The following PACSIN1 variants were observed in gnomAD, a reference collection of about 807,000 sequenced individuals.
PACSIN1 encodes the protein protein kinase C and casein kinase substrate in neurons protein 1.
In PACSIN1, 15 loss-of-function variants were observed where a neutral mutation model predicts 59.5. That is an observed-to-expected ratio of 0.25 (90% confidence interval 0.17 to 0.39). The LOEUF is 0.39. PACSIN1 is among the 10% of genes least tolerant of loss of function. PACSIN1 has a pLI of 1.00. For synonymous variants in PACSIN1, 210 were observed against 220.6 expected (o/e 0.95, Z 0.42); for missense variants, 420 against 580.2 (o/e 0.72, Z 2.84).
At chr6:34,490,359 G>C (rs1766858458) in intron 1 of PACSIN1, among the ~76,000 whole-genome samples, 2 of 148,448 alleles carry the variant, frequency 1.3e-5, no homozygotes, top group Non-Finnish European at 3.0e-5. Context: ...CAGCCACCAT[G>C]CCCAGCTCTT....
intron 1 of PACSIN1, among the ~76,000 whole-genome samples, chr6:34,494,634 G>A (rs1766921699): frequency 6.6e-6 from 1 of 152,088 alleles, no homozygotes; most frequent in African/African-American, 2.4e-5. Context: ...TGTAGAGATG[G>A]TGTCTGGCTG....
intron 1 of PACSIN1, among the ~76,000 whole-genome samples, chr6:34,493,429 A>G (rs1160438903): frequency 2.0e-5 from 3 of 152,194 alleles, no homozygotes; most frequent in African/African-American, 4.8e-5. Flanking sequence ...TGTAAACCCA[A>G]CGGTGGAAGT....
chr6:34,512,682 C>A (rs957298440), intron 1 of PACSIN1, among the ~76,000 whole-genome samples: 1 of 152,190 alleles, frequency 6.6e-6, no homozygotes, highest in Non-Finnish European at 1.5e-5. Flanking sequence ...ATTGTGGGGT[C>A]CTCGTGCCCA....
At chr6:34,491,262 C>G (rs1465335137) in intron 1 of PACSIN1, among the ~76,000 whole-genome samples, 1 of 152,158 alleles carries the variant, frequency 6.6e-6, no homozygotes, top group African/African-American at 2.4e-5. Context: ...TTGTCTTTCT[C>G]TAGTGCACGC....
chr6:34,472,586 T>C (rs1766587171), intron 1 of PACSIN1, among the ~76,000 whole-genome samples: 1 of 152,328 alleles, frequency 6.6e-6, no homozygotes, highest in Middle Eastern at 3.4e-3. Flanking sequence ...AATGAGCACG[T>C]AAACTCCATT....
At chr6:34,466,457 G>A (rs1005303560) in intron 1 of PACSIN1, among the ~76,000 whole-genome samples, 187 bp downstream of exon 1, 8 of 152,200 alleles carry the variant, frequency 5.3e-5, no homozygotes, top group Non-Finnish European at 1.2e-4. Flanking sequence ...CGGAGTTCGC[G>A]GGCATCACCC....
chr6:34,484,312 C>T (rs1766761757), intron 1 of PACSIN1, among the ~76,000 whole-genome samples: 1 of 152,026 alleles, frequency 6.6e-6, no homozygotes, highest in South Asian at 2.1e-4. Context: ...AAGGAGGAAC[C>T]TTAAATGCAT....
intron 1 of PACSIN1, among the ~76,000 whole-genome samples, chr6:34,482,152 C>T (rs894549719): frequency 4.0e-5 from 6 of 151,794 alleles, no homozygotes; most frequent in Non-Finnish European, 7.4e-5. Context: ...AATGGCGTGA[C>T]CTCGGCTCAC....
rs1033523292 is a variant in PACSIN1 at position 34,515,831 on chromosome 6, G to T, written c.-63-10412G>T. ...CTGCATTGCTCCTGGGGACAGACTCGCTGCTGCTGGGGGAGCTCTTGGGCA... is the reference window on the plus strand; with the variant it reads ...CTGCATTGCTCCTGGGGACAGACTCTCTGCTGCTGGGGGAGCTCTTGGGCA... On this transcript the variant is annotated intron_variant, in intron 1 of 9. Transcript: ENST00000244458. The surrounding 1 kb of genome is among the most constrained non-coding windows in gnomAD (Gnocchi z 4.4). Among the ~76,000 whole-genome samples the T allele has an allele frequency of 6.6e-6, 1 of 152,164 alleles. No homozygotes were observed. The highest frequency in any genetic ancestry group is 1.5e-5 in the Non-Finnish European group (1 of 68,014).
At chr6:34,523,598 G>A (rs1767434760) in intron 1 of PACSIN1, among the ~76,000 whole-genome samples, 1 of 152,268 alleles carries the variant, frequency 6.6e-6, no homozygotes, top group African/African-American at 2.4e-5. Flanking sequence ...TTGAAGGGTT[G>A]AGGAAGGCCA....
chr6:34,468,659 A>C (rs983221134), intron 1 of PACSIN1, among the ~76,000 whole-genome samples: 4 of 151,538 alleles, frequency 2.6e-5, no homozygotes, highest in African/African-American at 9.7e-5. Flanking sequence ...TTCCCACCCA[A>C]ATCTCTCACC....
intron 1 of PACSIN1, among the ~76,000 whole-genome samples, chr6:34,510,696 C>G (rs1767187783): frequency 6.6e-6 from 1 of 152,214 alleles, no homozygotes; most frequent in Non-Finnish European, 1.5e-5. Flanking sequence ...CTCATACTCT[C>G]TGTCTCTTTA....
intron 1 of PACSIN1, among the ~76,000 whole-genome samples, chr6:34,500,969 G>A (rs1288499159): frequency 6.6e-6 from 1 of 152,160 alleles, no homozygotes; most frequent in Admixed American, 6.6e-5. Flanking sequence ...ACCCCTCTCA[G>A]ACTTCATAGA....
intron 1 of PACSIN1, among the ~76,000 whole-genome samples, chr6:34,483,228 A>G (rs1384580093): frequency 6.8e-6 from 1 of 146,478 alleles, no homozygotes; most frequent in Non-Finnish European, 1.5e-5. Flanking sequence ...CTGATCTTGA[A>G]CTCCTGGGCT....
At chr6:34,478,539 A>G (rs748292662) in intron 1 of PACSIN1, among the ~76,000 whole-genome samples, 23 of 144,542 alleles carry the variant, frequency 1.6e-4, no homozygotes, top group Non-Finnish European at 2.4e-4. Flanking sequence ...CACCTGGCTA[A>G]TTTTTGTATT....
At chr6:34,486,766 A>T (rs542007306) in intron 1 of PACSIN1, among the ~76,000 whole-genome samples, 1 of 150,068 alleles carries the variant, frequency 6.7e-6, no homozygotes, top group East Asian at 2.2e-4. Flanking sequence ...TTGCTCTGCG[A>T]GTTGGGACAG....
In PACSIN1 at chr6:34,529,492, AC is replaced by A; in HGVS notation, c.554del (p.Pro185LeufsTer113). On this transcript the variant is annotated frameshift_variant, in exon 5 of 10. Coordinates refer to ENST00000244458, the MANE Select transcript of PACSIN1 (RefSeq NM_020804.5). LOFTEE classifies it high-confidence loss of function. The surrounding 1 kb of genome is among the most constrained non-coding windows in gnomAD (Gnocchi z 6.3). ...ACAGCAAGACGGAGCAATCGGTCAC[AC>A]CTGAGCAGCAAAAGAAGCTGCAGGA... ...MNSKTEQSVT[P>X]EQQKKLQDKV... 1.9e-6 allele frequency: 3 copies of A among 1,614,152 alleles called. No individual in the cohort carries two copies. Among genetic ancestry groups the A allele is most frequent in the Non-Finnish European group, 2.5e-6 (3 of 1,180,024 alleles).
At chr6:34,523,216 T>A (rs1169372504) in intron 1 of PACSIN1, among the ~76,000 whole-genome samples, 1 of 152,244 alleles carries the variant, frequency 6.6e-6, no homozygotes, top group Admixed American at 6.5e-5. Context: ...AGCTCCCACA[T>A]GCAGTGCTGT....
At chr6:34,528,915 G>GGGCGGGGGGGGGGGGGGGGGGGC in intron 4 of PACSIN1, 38 bp downstream of exon 4, 2 of 653,172 alleles carry the variant, frequency 3.1e-6, no homozygotes, top group East Asian at 4.3e-5. Flanking sequence ...GGTGGGGTGG[G>GGGCGGGGGGGGGGGGGGGGGGGC]CCCGTCTGAT....
Sources: gnomAD v4.1 joint callset for allele counts (sites outside exome capture counted in the v4.1 genomes callset) on GRCh38, gnomAD v4.1.1 for gene constraint, Gnocchi (gnomAD v3.1) non-coding constraint, MANE v1.5 for transcripts, NCBI Gene and HGNC (gene_info 2026-07-23, HGNC 2026-07-21) for gene names.